STAB1: variants seen among roughly 807,000 people sequenced by gnomAD.
STAB1 encodes stabilin-1.
STAB1 carries 250 observed loss-of-function variants against 332.4 expected under a neutral mutation model. The ratio of observed to expected loss-of-function variants is 0.75; its 90% CI spans 0.68 to 0.84. The LOEUF is 0.84. STAB1 is among the 40% of genes least tolerant of loss of function. STAB1 has a pLI of 0.00. For synonymous variants in STAB1, 1,475 were observed against 1,390.4 expected (o/e 1.06, Z -1.35); for missense variants, 3,249 against 3,489.7 (o/e 0.93, Z 1.74).
rs377270875 is a variant in STAB1, at chr3:52,522,156, C to T, written c.6391C>T (p.Arg2131Trp). The change falls in exon 59 of 69, where the codon CGG (arginine) becomes TGG (tryptophan). Residue 2131 changes from arginine (R) to tryptophan (W), a missense_variant. Coordinates refer to ENST00000321725, the MANE Select transcript of STAB1 (RefSeq NM_015136.3). ...PDYEGDGWSC[R>W]ARNPCTDGHR... Reference sequence around the variant, plus strand: ...CTACGAGGGTGATGGCTGGAGCTGCCGGGCCCGCAACCCCTGCACAGATGG... The same window carrying T: ...CTACGAGGGTGATGGCTGGAGCTGCTGGGCCCGCAACCCCTGCACAGATGG... The T allele has an allele frequency of 1.2e-4, 197 of 1,612,786 alleles. No homozygotes were observed. Among genetic ancestry groups the T allele is most frequent in the Non-Finnish European group, 1.5e-4 (173 of 1,180,008 alleles).
chr3:52,508,063 T>C, intron 20 of STAB1, 37 bp downstream of exon 20: 1 of 1,596,792 alleles, frequency 6.3e-7, no homozygotes. Flanking sequence ...CCAGGTCACC[T>C]GGGCACCTGC....
Position 52,518,004 on chromosome 3 carries a change from G to T in STAB1, c.4761+1G>T. The T allele has an allele frequency of 6.2e-7, 1 of 1,601,902 alleles. No individual in the cohort carries two copies. Among genetic ancestry groups the T allele is most frequent in the South Asian group, 1.1e-5 (1 of 89,484 alleles). On this transcript the variant is annotated splice_donor_variant, in intron 45 of 68. Coordinates refer to ENST00000321725, the MANE Select transcript of STAB1 (RefSeq NM_015136.3). LOFTEE classifies it high-confidence loss of function. ...CACCTGCCGTGCCCGAGTCGGCCTG[G>T]TAATGATGCCCAAGTCAGACCCCTG...
chr3:52,520,857 G>A lies in STAB1; in HGVS notation c.5760G>A (p.Pro1920=), dbSNP rs200924394. 8.1e-5 allele frequency: 131 copies of A among 1,612,814 alleles called. 1 individual carries two copies. The Middle Eastern group carries it at 1.2e-3, about 14-fold the overall frequency. The part of the protein sequence containing the change: ...RFYPKFWTSP[P]LHSLGLRSVW... ...ACCCGAAGTTCTGGACGTCCCCTCC[G>A]CTGCACTCTTTGGGATTACGCAGCG... Residue 1920 remains proline, a synonymous_variant, in exon 55 of 69, where the codon CCG becomes CCA. Transcript: ENST00000321725.
chr3:52,505,276 C>G (rs199697199), intron 13 of STAB1, 43 bp from the exon 14 acceptor site: 1 of 1,611,086 alleles, frequency 6.2e-7, no homozygotes, highest in East Asian at 2.2e-5. Context: ...CTGAAGCAGC[C>G]TCACCCCTTC....
Position 52,507,685 on chromosome 3 carries a change from C to A in STAB1, c.2052+10C>A. ...CAACAGTGTGAAGCTGGTGAGCACA[C>A]CTTGGCCCAGCTCTCAGGGCCTCCT... On this transcript the variant is annotated intron_variant, in intron 19 of 68. Transcript: ENST00000321725. 1 of 1,613,496 alleles carries A rather than the reference C, an allele frequency of 6.2e-7. No homozygotes were observed.
At chr3:52,500,696 T>C (rs2153232849) in intron 1 of STAB1, among the ~76,000 whole-genome samples, 1 of 152,360 alleles carries the variant, frequency 6.6e-6, no homozygotes, top group Non-Finnish European at 1.5e-5. Context: ...ATTGTTTCTT[T>C]ATCTTTAAAC....
At chr3:52,497,248 C>G (rs536294212) in intron 1 of STAB1, among the ~76,000 whole-genome samples, 3 of 152,104 alleles carry the variant, frequency 2.0e-5, no homozygotes, top group African/African-American at 7.2e-5. Context: ...CCTCAGCCTC[C>G]CAAAGTGCTG....
In STAB1 at chr3:52,522,575, C is replaced by T. The variant is rs1366181805; in HGVS notation, c.6631C>T (p.His2211Tyr). The T allele has an allele frequency of 2.5e-6, 4 of 1,613,046 alleles. No individual in the cohort carries two copies. The highest frequency in any genetic ancestry group is 2.2e-5 in the East Asian group (1 of 44,880). Residue 2211 changes from histidine to tyrosine, a missense_variant, in exon 61 of 69, where the codon CAC becomes TAC. Coordinates refer to ENST00000321725, the MANE Select transcript of STAB1 (RefSeq NM_015136.3). Reference protein sequence around the residue: ...HFQEKRAGVFHLQATSGPYGL... With the variant: ...HFQEKRAGVFYLQATSGPYGL... ...TGCAGAGAAACGGGCTGGCGTTTTC[C>T]ACCTCCAGGCCACCAGCGGCCCTTA...
chr3:52,502,507 C>A, intron 5 of STAB1, 125 bp from the exon 6 acceptor site: 1 of 901,802 alleles, frequency 1.1e-6, no homozygotes, highest in Non-Finnish European at 1.7e-6. Context: ...CGCATCACAG[C>A]TCTGTACTCT....
chr3:52,515,273 C>T, intron 36 of STAB1, 150 bp from the exon 37 acceptor site: 14 of 884,424 alleles, frequency 1.6e-5, no homozygotes, highest in Non-Finnish European at 2.1e-5. Context: ...CGCCCTCTCC[C>T]ATCAGTCTGC....
chr3:52,512,953 G>A lies in STAB1; in HGVS notation c.3153G>A (p.Leu1051=). The A allele has an allele frequency of 6.2e-7, 1 of 1,608,632 alleles. No homozygotes were observed. The highest frequency in any genetic ancestry group is 8.5e-7 in the Non-Finnish European group (1 of 1,177,696). ...TGCAGCCAAGGACGCTGCCGAACCTGGTCAGGTGGGGCCGCCATTGCCAGG... is the reference window on the plus strand; with the variant it reads ...TGCAGCCAAGGACGCTGCCGAACCTAGTCAGGTGGGGCCGCCATTGCCAGG... ...FWLQPRTLPN[L]VRAHFLQGAL... is the part of the protein sequence containing the mutation. The change falls in exon 29 of 69, where the codon CTG becomes CTA. Residue 1051 remains leucine (L), a synonymous_variant. Transcript: ENST00000321725.
rs753295505 is a variant in STAB1 at position 52,495,417 on chromosome 3, G to A, written c.4G>A (p.Ala2Thr). Residue 2 changes from alanine to threonine, a missense_variant, in exon 1 of 69, where the codon GCG (alanine) becomes ACG (threonine). Transcript: ENST00000321725. Reference sequence around the variant, plus strand: ...CTGGACAGCGTGCCCACCAGCCATGGCGGGGCCCCGGGGCCTCCTCCCACT... The same window carrying A: ...CTGGACAGCGTGCCCACCAGCCATGACGGGGCCCCGGGGCCTCCTCCCACT... Reference protein sequence around the residue: MAGPRGLLPLCL... With the variant: MTGPRGLLPLCL... 1 of 1,340,450 alleles carries A rather than the reference G, an allele frequency of 7.5e-7. No homozygotes were observed. Among genetic ancestry groups the A allele is most frequent in the South Asian group, 2.5e-5 (1 of 39,936 alleles). 83.0% of individuals were successfully genotyped at this position (1,340,450 alleles called of 1,614,324 possible).
At chr3:52,495,629 C>A in intron 1 of STAB1, 138 bp downstream of exon 1, 1 of 778,374 alleles carries the variant, frequency 1.3e-6, no homozygotes, top group Non-Finnish European at 1.8e-6. Context: ...CTTAGCAGGC[C>A]TGGGGGCTGG....
At chr3:52,521,227 C>T (rs1486416868) in intron 55 of STAB1, 134 bp from the exon 56 acceptor site, 10 of 1,326,478 alleles carry the variant, frequency 7.5e-6, no homozygotes, top group South Asian at 1.3e-5. Flanking sequence ...TTCTCCAGGA[C>T]ATGGGCCTGG....
intron 1 of STAB1, among the ~76,000 whole-genome samples, chr3:52,499,349 G>A (rs1432279935): frequency 2.0e-5 from 3 of 152,258 alleles, no homozygotes; most frequent in Non-Finnish European, 4.4e-5. Flanking sequence ...TGGGACTCCA[G>A]GCCTGGGGCT....
intron 18 of STAB1, among the ~76,000 whole-genome samples, 164 bp from the exon 19 acceptor site, chr3:52,507,449 G>A (rs938193350): frequency 3.9e-5 from 6 of 152,196 alleles, no homozygotes; most frequent in East Asian, 1.9e-4. Flanking sequence ...TGCCCGGCTC[G>A]GGGCCTCTGC....
At chr3:52,508,207 A>G (rs1221362129) in intron 20 of STAB1, 66 bp from the exon 21 acceptor site, 1 of 1,495,800 alleles carries the variant, frequency 6.7e-7, no homozygotes, top group Admixed American at 1.8e-5. Context: ...GCCAGGGAGC[A>G]GAGGCAGCCT....
rs1559731855 is a variant in STAB1 at position 52,524,333 on chromosome 3, C to T, written c.7690C>T (p.Gln2564Ter). 2.5e-6 allele frequency: 4 copies of T among 1,613,872 alleles called. No individual in the cohort carries two copies. The highest frequency in any genetic ancestry group is 1.7e-6 in the Non-Finnish European group (2 of 1,180,012). Residue 2564 changes from glutamine to a stop codon, truncating the protein, a stop_gained, in exon 69 of 69, where the codon CAG (glutamine) becomes TAG (stop). Coordinates refer to ENST00000321725, the MANE Select transcript of STAB1 (RefSeq NM_015136.3). LOFTEE classifies it high-confidence loss of function. ...SLLEEDFPDT[Q>*]RILTVK ...GCTGGAGGAGGACTTCCCTGACACCCAGAGGATCCTCACAGTCAAGTGACG... is the reference window on the plus strand; with the variant it reads ...GCTGGAGGAGGACTTCCCTGACACCTAGAGGATCCTCACAGTCAAGTGACG...
rs368548697 is a variant in STAB1 at position 52,523,974 on chromosome 3, G to A, written c.7499G>A (p.Arg2500His). ...LGLVAGALYL[R>H]ARGKPMGFGF... ...TTGGTGGCCGGAGCTCTCTACCTCC[G>A]TGCCCGAGGCAAGCCCATGGGCTTT... The change falls in exon 67 of 69, where the codon CGT becomes CAT. Residue 2500 changes from arginine (R) to histidine (H), a missense_variant. Transcript: ENST00000321725. 162 of 1,611,646 alleles carry A rather than the reference G, an allele frequency of 1.0e-4. No homozygotes were observed. Among genetic ancestry groups the A allele is most frequent in the Non-Finnish European group, 1.3e-4 (157 of 1,179,912 alleles).
Sources: gnomAD v4.1 joint callset for allele counts (sites outside exome capture counted in the v4.1 genomes callset) on GRCh38, gnomAD v4.1.1 for gene constraint, MANE v1.5 for transcripts, NCBI Gene and HGNC (gene_info 2026-07-23, HGNC 2026-07-21) for gene names.